RNF144A: variants seen among roughly 807,000 people sequenced by gnomAD.
RNF144A encodes the protein ring finger protein 144A.
Under a neutral mutation model 38.7 loss-of-function variants are expected in RNF144A, and 11 were observed. The ratio of observed to expected loss-of-function variants is 0.28; its 90% CI spans 0.18 to 0.47. The LOEUF is 0.47. RNF144A is among the 20% of genes least tolerant of loss of function. The pLI is 0.99. For synonymous variants in RNF144A, 149 were observed against 143.9 expected (o/e 1.04, Z -0.25); for missense variants, 316 against 377.2 (o/e 0.84, Z 1.34).
At position 7,026,768 on chromosome 2, in the gene RNF144A, G is replaced by A. The variant is rs772244310; in HGVS notation, c.657+2252G>A. On this transcript the variant is annotated intron_variant, in intron 7 of 8. Transcript: ENST00000320892. ...TTTTCTCCTTCCAGCACAGAAGTGT[G>A]TCTTGTCTGCTCTAGTCCCTGAGGA... Among the ~76,000 whole-genome samples, 97 of 152,290 alleles carry A rather than the reference G, an allele frequency of 6.4e-4. 1 individual carries two copies. Among genetic ancestry groups the A allele is most frequent in the Middle Eastern group, 3.4e-3 (1 of 294 alleles).
chr2:6,955,643 A>G (rs1248260286), intron 2 of RNF144A, among the ~76,000 whole-genome samples: 1 of 152,064 alleles, frequency 6.6e-6, no homozygotes, highest in African/African-American at 2.4e-5. Context: ...TTTTCCTTGG[A>G]TGACCCCCAA....
chr2:7,033,584 G>A (rs564967580), intron 8 of RNF144A, among the ~76,000 whole-genome samples: 3 of 152,150 alleles, frequency 2.0e-5, no homozygotes, highest in South Asian at 4.1e-4. Context: ...TACTTCTCCT[G>A]TTCCTGCCCA....
chr2:6,955,104 G>A (rs1368799612), intron 2 of RNF144A, among the ~76,000 whole-genome samples: 3 of 152,100 alleles, frequency 2.0e-5, no homozygotes, highest in Non-Finnish European at 2.9e-5. Context: ...GTTAGGATAA[G>A]ATAAGAAACG....
At chr2:7,018,773 A>G (rs549875051) in intron 5 of RNF144A, among the ~76,000 whole-genome samples, 1 of 152,324 alleles carries the variant, frequency 6.6e-6, no homozygotes, top group South Asian at 2.1e-4. Flanking sequence ...TAATGAAGAT[A>G]ATTAGAGTAG....
intron 8 of RNF144A, among the ~76,000 whole-genome samples, chr2:7,038,823 T>G (rs1672852268): frequency 6.6e-6 from 1 of 150,902 alleles, no homozygotes; most frequent in African/African-American, 2.4e-5. Flanking sequence ...GATGGGTGGA[T>G]AGGTGGATGA....
At chr2:7,005,508 C>G (rs978953280) in intron 3 of RNF144A, among the ~76,000 whole-genome samples, 1 of 152,128 alleles carries the variant, frequency 6.6e-6, no homozygotes, top group Admixed American at 6.5e-5. Flanking sequence ...AGTTCCAGGG[C>G]TGTTGCAAAG....
rs1020392090 is a variant in RNF144A, at chr2:6,997,027, C to T, written c.101C>T (p.Thr34Ile). The T allele has an allele frequency of 1.2e-6, 2 of 1,614,050 alleles. No homozygotes were observed. Among genetic ancestry groups the T allele is most frequent in the African/African-American group, 1.3e-5 (1 of 74,932 alleles). Reference sequence around the variant, plus strand: ...GAGTACCCAGTGGAGCAGATGACAACCATAGCCCAGTGCCAATGCATCTTC... The same window carrying T: ...GAGTACCCAGTGGAGCAGATGACAATCATAGCCCAGTGCCAATGCATCTTC... ...LGEYPVEQMTTIAQCQCIFCT... is the reference protein window; with the variant it reads ...LGEYPVEQMTIIAQCQCIFCT... The change falls in exon 3 of 9, where the codon ACC becomes ATC. Residue 34 changes from threonine to isoleucine, a missense_variant. Transcript: ENST00000320892.
chr2:7,037,904 C>T (rs1336858074), intron 8 of RNF144A, among the ~76,000 whole-genome samples: 1 of 152,158 alleles, frequency 6.6e-6, no homozygotes, highest in Non-Finnish European at 1.5e-5. Context: ...ATTTACTGGC[C>T]ACACTGAACA....
In RNF144A at chr2:6,996,978, G is replaced by T; in HGVS notation, c.52G>T (p.Val18Leu). 6 of 1,614,142 alleles carry T rather than the reference G, an allele frequency of 3.7e-6. No individual in the cohort carries two copies. The highest frequency in any genetic ancestry group is 4.2e-6 in the Non-Finnish European group (5 of 1,179,974). ...CTGGGACCTGGCCCTCGACCCGCTG[G>T]TGTCTTGCAAGCTCTGTCTTGGGGA... ...PTWDLALDPL[V>L]SCKLCLGEYP... The change falls in exon 3 of 9, where the codon GTG becomes TTG. Residue 18 changes from valine to leucine, a missense_variant. Coordinates refer to ENST00000320892, the MANE Select transcript of RNF144A (RefSeq NM_014746.6).
intron 2 of RNF144A, among the ~76,000 whole-genome samples, chr2:6,986,050 G>A (rs551224590): frequency 3.3e-5 from 5 of 152,250 alleles, no homozygotes; most frequent in Admixed American, 3.3e-4. Context: ...TCACTGATGA[G>A]CAGAGTCACA....
intron 6 of RNF144A, among the ~76,000 whole-genome samples, chr2:7,056,174 T>G (rs752867039): frequency 6.6e-6 from 1 of 152,216 alleles, no homozygotes; most frequent in Non-Finnish European, 1.5e-5. Flanking sequence ...ACTAGCCAGG[T>G]GGAGGAAAGC....
At chr2:6,979,496 A>G (rs769093379) in intron 2 of RNF144A, among the ~76,000 whole-genome samples, 18 of 151,992 alleles carry the variant, frequency 1.2e-4, no homozygotes, top group Non-Finnish European at 1.6e-4. Flanking sequence ...TGAAACAGAC[A>G]TTCTTCTCAG....
chr2:6,996,715 T>C (rs1572364383), intron 2 of RNF144A: 4 of 565,344 alleles, frequency 7.1e-6, no homozygotes, highest in Non-Finnish European at 1.3e-5. Context: ...ATTGCACCAC[T>C]GTACTCCAAC....
At chr2:7,010,801 G>A (rs1023127775) in intron 3 of RNF144A, among the ~76,000 whole-genome samples, 25 of 152,122 alleles carry the variant, frequency 1.6e-4, no homozygotes, top group Admixed American at 1.6e-3. Flanking sequence ...CACCCAGGTG[G>A]GACCCCTCCT....
intron 3 of RNF144A, among the ~76,000 whole-genome samples, chr2:7,009,194 G>T (rs1457417792): frequency 1.3e-5 from 2 of 152,222 alleles, no homozygotes; most frequent in Admixed American, 6.5e-5. Flanking sequence ...AGGTTAAGTA[G>T]GTGGAGGATA....
intron 2 of RNF144A, among the ~76,000 whole-genome samples, chr2:6,954,753 C>T (rs1666893987): frequency 6.6e-6 from 1 of 152,180 alleles, no homozygotes; most frequent in South Asian, 2.1e-4. Flanking sequence ...TTCATGTGAA[C>T]TAGACAAAGG....
intron 6 of RNF144A, among the ~76,000 whole-genome samples, chr2:7,051,229 C>T (rs1201735060): frequency 6.6e-6 from 1 of 152,136 alleles, no homozygotes; most frequent in Admixed American, 6.5e-5. Flanking sequence ...AATGCCACCA[C>T]ACAAACACAC....
intron 2 of RNF144A, among the ~76,000 whole-genome samples, chr2:6,953,383 C>T (rs1389901221): frequency 6.6e-6 from 1 of 152,138 alleles, no homozygotes; most frequent in African/African-American, 2.4e-5. Flanking sequence ...GAGCCAAGAT[C>T]GTGCCACTGC....
At position 6,967,209 on chromosome 2, in the gene RNF144A, C is replaced by T. The variant is rs117298577; in HGVS notation, c.-12+26062C>T. ...TACATGTGTGATAATGAACTTTACC[C>T]ATCACTATGCATGTAGGTCATTCTT... On this transcript the variant is annotated intron_variant, in intron 2 of 8. Transcript: ENST00000320892. 7.9e-5 allele frequency among the ~76,000 whole-genome samples: 12 copies of T among 152,322 alleles called. No homozygotes were observed. The East Asian group carries it at 1.3e-3, about 17-fold the overall frequency.
Sources: gnomAD v4.1 joint callset for allele counts (sites outside exome capture counted in the v4.1 genomes callset) on GRCh38, gnomAD v4.1.1 for gene constraint, MANE v1.5 for transcripts, NCBI Gene and HGNC (gene_info 2026-07-23, HGNC 2026-07-21) for gene names.